CNTNAP2: variants seen among roughly 807,000 people sequenced by gnomAD.
CNTNAP2 encodes the protein contactin associated protein 2, also known as contactin-associated protein-like 2.
A neutral mutation model predicts 155.2 loss-of-function variants in CNTNAP2; 98 were observed. The ratio of observed to expected loss-of-function variants is 0.63; its 90% CI spans 0.54 to 0.75. The LOEUF is 0.75. Among genes scored for constraint, CNTNAP2 ranks in the 30% least tolerant of loss-of-function variants. The pLI is 0.00. For missense variants in CNTNAP2, 1,727 were observed against 1,688.1 expected, an observed-to-expected ratio of 1.02 and a Z score of -0.40; for synonymous variants, 651 against 631.2, an observed-to-expected ratio of 1.03 and a Z score of -0.47.
chr7:146,228,911 G>T (rs753178300), intron 1 of CNTNAP2, among the ~76,000 whole-genome samples: 1 of 152,076 alleles, frequency 6.6e-6, no homozygotes, highest in Non-Finnish European at 1.5e-5. Flanking sequence ...AAATGAACAT[G>T]ATCTCTCTTC....
At chr7:146,569,109 C>A (rs12532342) in intron 1 of CNTNAP2, among the ~76,000 whole-genome samples, 1 of 151,822 alleles carries the variant, frequency 6.6e-6, no homozygotes, top group South Asian at 2.1e-4. Flanking sequence ...GGCTGCCTCC[C>A]GGGTTCACGC....
chr7:146,167,851 A>T (rs1210495120), intron 1 of CNTNAP2, among the ~76,000 whole-genome samples: 1 of 152,140 alleles, frequency 6.6e-6, no homozygotes, highest in African/African-American at 2.4e-5. Context: ...AGAGGCAAGG[A>T]AGCAATTACA....
intron 1 of CNTNAP2, among the ~76,000 whole-genome samples, chr7:146,412,465 G>A (rs961403750): frequency 2.0e-5 from 3 of 152,158 alleles, no homozygotes; most frequent in Admixed American, 6.5e-5. Context: ...TCAGGTCAGA[G>A]AATCCAGAAC....
chr7:146,236,285 G>T (rs536021888), intron 1 of CNTNAP2, among the ~76,000 whole-genome samples: 2 of 152,090 alleles, frequency 1.3e-5, no homozygotes, highest in Non-Finnish European at 2.9e-5. Flanking sequence ...TCAATTATGA[G>T]TTGATGCACT....
At chr7:146,151,715 T>C (rs1798055397) in intron 1 of CNTNAP2, among the ~76,000 whole-genome samples, 1 of 104,624 alleles carries the variant, frequency 9.6e-6, no homozygotes, top group Non-Finnish European at 1.9e-5. Context: ...TATATATATG[T>C]ATATATATAT....
chr7:148,351,383 G>A (rs1468722568), intron 21 of CNTNAP2, among the ~76,000 whole-genome samples: 3 of 152,012 alleles, frequency 2.0e-5, no homozygotes, highest in African/African-American at 7.2e-5. Flanking sequence ...CCCAGGGAGT[G>A]GGAACAGCGA....
intron 13 of CNTNAP2, among the ~76,000 whole-genome samples, chr7:147,696,078 G>T (rs1335588150): frequency 1.3e-5 from 2 of 152,114 alleles, no homozygotes; most frequent in Non-Finnish European, 2.9e-5. Flanking sequence ...TACATTTAAA[G>T]TGAATTTCAT....
intron 3 of CNTNAP2, among the ~76,000 whole-genome samples, chr7:146,847,337 C>G (rs144956417): frequency 5.1e-4 from 78 of 152,210 alleles, no homozygotes; most frequent in Admixed American, 1.3e-3. Context: ...CTATGTTACA[C>G]TCTGGAATCA....
At chr7:147,583,532 A>ATATG (rs1584831188) in intron 12 of CNTNAP2, among the ~76,000 whole-genome samples, 2 of 138,812 alleles carry the variant, frequency 1.4e-5, no homozygotes, top group African/African-American at 5.6e-5. Flanking sequence ...ATATATATAT[A>ATATG]ATGTCAAACA....
intron 3 of CNTNAP2, among the ~76,000 whole-genome samples, chr7:146,894,973 T>C (rs1012780408): frequency 1.3e-5 from 2 of 152,148 alleles, no homozygotes; most frequent in Non-Finnish European, 2.9e-5. Context: ...TACTACATTC[T>C]CCCAACCATT....
At chr7:146,497,450 C>T (rs1186881465) in intron 1 of CNTNAP2, among the ~76,000 whole-genome samples, 1 of 151,972 alleles carries the variant, frequency 6.6e-6, no homozygotes, top group Non-Finnish European at 1.5e-5. Context: ...ATGCTTCTTC[C>T]TTCCAGTAAA....
At chr7:147,076,968 T>C (rs1428387225) in intron 4 of CNTNAP2, among the ~76,000 whole-genome samples, 3 of 152,132 alleles carry the variant, frequency 2.0e-5, no homozygotes, top group Admixed American at 6.6e-5. Context: ...ATAAGGAACA[T>C]TGTATTAGTT....
intron 1 of CNTNAP2, among the ~76,000 whole-genome samples, chr7:146,557,479 T>C (rs1055703559): frequency 2.0e-5 from 3 of 152,030 alleles, no homozygotes; most frequent in African/African-American, 7.3e-5. Flanking sequence ...TCTATTAGAG[T>C]ATACAGTTAA....
chr7:147,478,214 A>G (rs764420219), intron 10 of CNTNAP2, among the ~76,000 whole-genome samples: 16 of 151,782 alleles, frequency 1.1e-4, no homozygotes, highest in Non-Finnish European at 2.1e-4. Context: ...GTTCAATGAC[A>G]TGATCTCGGC....
intron 4 of CNTNAP2, among the ~76,000 whole-genome samples, chr7:147,078,262 T>C (rs932483079): frequency 5.9e-5 from 9 of 152,346 alleles, no homozygotes; most frequent in Non-Finnish European, 1.0e-4. Flanking sequence ...CCGTTGACTT[T>C]CTGTGAAAGA....
chr7:147,033,179 T>TAC (rs1304356402), intron 3 of CNTNAP2, among the ~76,000 whole-genome samples: 6 of 56,070 alleles, frequency 1.1e-4, no homozygotes, highest in East Asian at 7.2e-4. Context: ...TATATATATA[T>TAC]ATATATATAT....
At chr7:147,842,460 A>G (rs1337231643) in intron 13 of CNTNAP2, among the ~76,000 whole-genome samples, 2 of 152,050 alleles carry the variant, frequency 1.3e-5, no homozygotes, top group Non-Finnish European at 2.9e-5. Flanking sequence ...AATAACTGCT[A>G]TAAGTATATG....
At chr7:147,001,259 G>A (rs992494422) in intron 3 of CNTNAP2, among the ~76,000 whole-genome samples, 2 of 151,936 alleles carry the variant, frequency 1.3e-5, no homozygotes, top group African/African-American at 2.4e-5. Context: ...GATAGTTGTC[G>A]AAATTGATGT....
chr7:147,246,931 G>T (rs898600185), intron 8 of CNTNAP2, among the ~76,000 whole-genome samples: 7 of 152,128 alleles, frequency 4.6e-5, no homozygotes, highest in Non-Finnish European at 1.0e-4. Flanking sequence ...TTACAGTAAA[G>T]AACATAATCT....
Sources: gnomAD v4.1 joint callset for allele counts (sites outside exome capture counted in the v4.1 genomes callset) on GRCh38, gnomAD v4.1.1 for gene constraint, MANE v1.5 for transcripts, NCBI Gene and HGNC (gene_info 2026-07-23, HGNC 2026-07-21) for gene names.